The following CHML variants were observed in gnomAD, a reference collection of about 807,000 sequenced individuals.
The protein encoded by CHML is CHM like Rab escort protein.
Under a neutral mutation model 30.4 loss-of-function variants are expected in CHML, and 20 were observed. That is an observed-to-expected ratio of 0.66 (90% CI 0.46 to 0.95). The LOEUF (loss-of-function observed/expected upper bound fraction) is 0.95. Among genes scored for constraint, CHML ranks in the 40% least tolerant of loss-of-function variants. The pLI is 0.00. For missense variants in CHML, 795 were observed against 768.5 expected (o/e 1.03, Z -0.41); for synonymous variants, 281 against 275.0 (o/e 1.02, Z -0.22).
chr1:241,632,585 A>C lies in CHML; in HGVS notation c.*1211T>G, dbSNP rs1190667647. On this transcript the variant is annotated 3_prime_UTR_variant, in exon 2 of 2. Transcript: ENST00000366553. ...CCATTAGAGTACTACCAGTTTTATGACGTTGGGTGGCTCTGGGAGAAAAAA... is the reference window on the plus strand; with the variant it reads ...CCATTAGAGTACTACCAGTTTTATGCCGTTGGGTGGCTCTGGGAGAAAAAA... 1 of 152,108 alleles carries C rather than the reference A, an allele frequency of 6.6e-6. No individual in the cohort carries two copies. The highest frequency in any genetic ancestry group is 1.5e-5 in the Non-Finnish European group (1 of 68,006). The allele number at this position is 152,108 out of a possible 1,614,324, so 9.4% of individuals were successfully genotyped here.
At position 241,634,333 on chromosome 1, in the gene CHML, T is replaced by C. The variant is rs375680469; in HGVS notation, c.1434A>G (p.Ile478Met). The change falls in exon 2 of 2, where the codon ATA (isoleucine) becomes ATG (methionine). Residue 478 changes from isoleucine (I) to methionine (M), a missense_variant. Physicochemically the swap from Ile to Met is conservative, Grantham distance 10. Coordinates refer to ENST00000366553, the MANE Select transcript of CHML (RefSeq NM_001381853.1). ...AAGCTCCTGGCTCTGCTGGAGGAAC[T>C]ATCAGAATGGAAGTCTGCTGATCTA... is the stretch of plus-strand genomic sequence containing the variant. ...TDLDQQTSIL[I>M]VPPAEPGACA... 72 of 1,613,904 alleles carry C rather than the reference T, an allele frequency of 4.5e-5. No homozygotes were observed. Among genetic ancestry groups the C allele is most frequent in the Non-Finnish European group, 6.1e-5 (72 of 1,179,930 alleles).
Position 241,630,273 on chromosome 1 carries a change from G to A in CHML, c.*3523C>T, listed in dbSNP as rs1032980525. On this transcript the variant is annotated 3_prime_UTR_variant, in exon 2 of 2. Coordinates refer to ENST00000366553, the MANE Select transcript of CHML (RefSeq NM_001381853.1). ...CCATGTACTACTTTTCCACTACACT[G>A]GCATGGCTCCCATGGGAGTTTGTTC... 2.0e-5 allele frequency: 3 copies of A among 151,950 alleles called. No homozygotes were observed. Among genetic ancestry groups the A allele is most frequent in the South Asian group, 2.1e-4 (1 of 4,810 alleles). 9.4% of individuals were successfully genotyped at this position (151,950 alleles called of 1,614,324 possible).
rs781400231 is a variant in CHML, at chr1:241,629,601, C to T, written c.*4195G>A. 1 of 152,050 alleles carries T rather than the reference C, an allele frequency of 6.6e-6. No individual in the cohort carries two copies. The highest frequency in any genetic ancestry group is 6.5e-5 in the Admixed American group (1 of 15,272). The allele number at this position is 152,050 out of a possible 1,614,324, so 9.4% of individuals were successfully genotyped here. A position where few individuals can be genotyped will look rare whatever the true frequency, so the allele number is the denominator to read the frequency against. On this transcript the variant is annotated 3_prime_UTR_variant, in exon 2 of 2. Coordinates refer to ENST00000366553, the MANE Select transcript of CHML (RefSeq NM_001381853.1). The stretch of plus-strand genomic sequence containing the variant: ...TCTTGTTTTGTCTTTTTCCTATTTA[C>T]TACACATTTAAAACTTTTTCTCTTA...
Position 241,640,363 on chromosome 1 carries a change from G to A in CHML, c.-789C>T. 1 of 1,020,936 alleles carries A rather than the reference G, an allele frequency of 9.8e-7. No individual in the cohort carries two copies. The highest frequency in any genetic ancestry group is 4.7e-5 in the South Asian group (1 of 21,426). 63.2% of individuals were successfully genotyped at this position (1,020,936 alleles called of 1,614,324 possible). On this transcript the variant is annotated 5_prime_UTR_variant, in exon 1 of 2. Coordinates refer to ENST00000366553, the MANE Select transcript of CHML (RefSeq NM_001381853.1). ...GGCTCCGCCGCCTGCTCTAGCCATTGTGCACTGAGGGGCCCGCGCTACCGC... is the reference window on the plus strand; with the variant it reads ...GGCTCCGCCGCCTGCTCTAGCCATTATGCACTGAGGGGCCCGCGCTACCGC...
chr1:241,639,789 G>C, intron 1 of CHML, 93 bp downstream of exon 1: 1 of 1,261,210 alleles, frequency 7.9e-7, no homozygotes, highest in Non-Finnish European at 1.0e-6. Context: ...GAAGCGGTGC[G>C]GGGCGGGCTG....
rs1411875704 is a variant in CHML, at chr1:241,640,077, G to C, written c.-503C>G. 8 of 1,611,140 alleles carry C rather than the reference G, an allele frequency of 5.0e-6. No homozygotes were observed. In the Admixed American group the frequency reaches 1.2e-4, roughly 24 times the overall value. ...TTGTAGTAGAGGACGAGCACCAGCA[G>C]GTTGTTGCCGACGCCCAGCAGCCCA... On this transcript the variant is annotated 5_prime_UTR_variant, in exon 1 of 2. Coordinates refer to ENST00000366553, the MANE Select transcript of CHML (RefSeq NM_001381853.1).
rs1665069622 is a variant in CHML, at chr1:241,640,200, C to G, written c.-626G>C. ...GCCGGCGCCGGCCCCTCAGCGCCCG[C>G]GGCCCCGCCGCCGTCCCAGTAGCCG... On this transcript the variant is annotated 5_prime_UTR_variant, in exon 1 of 2. Coordinates refer to ENST00000366553, the MANE Select transcript of CHML (RefSeq NM_001381853.1). The G allele has an allele frequency of 2.1e-5, 28 of 1,365,322 alleles. No homozygotes were observed. Among genetic ancestry groups the G allele is most frequent in the Non-Finnish European group, 2.5e-5 (27 of 1,065,916 alleles). 84.6% of individuals were successfully genotyped at this position (1,365,322 alleles called of 1,614,324 possible).
rs776480312 is a variant in CHML at position 241,634,899 on chromosome 1, T to C, written c.868A>G (p.Thr290Ala). The C allele has an allele frequency of 1.2e-6, 2 of 1,611,064 alleles. No individual in the cohort carries two copies. Among genetic ancestry groups the C allele is most frequent in the Non-Finnish European group, 1.7e-6 (2 of 1,179,012 alleles). The stretch of plus-strand genomic sequence containing the variant: ...ATTAGCATCCTCTTTTCAACCATGG[T>C]GAGTTCCTTGCTATTAAAGACATCT... ...RADVFNSKEL[T>A]MVEKRMLMKF... The change falls in exon 2 of 2, where the codon ACC becomes GCC. Residue 290 changes from threonine (T) to alanine (A), a missense_variant. Thr to Ala is a moderately conservative substitution (Grantham distance 58). Transcript: ENST00000366553.
Position 241,632,826 on chromosome 1 carries a change from G to A in CHML, c.*970C>T, listed in dbSNP as rs1000493510. On this transcript the variant is annotated 3_prime_UTR_variant, in exon 2 of 2. Transcript: ENST00000366553. ...AAAAACCTTGGGTAATCTATTTATA[G>A]AGGGTTTTATAAGTATCTGTAATCT... The A allele has an allele frequency of 6.6e-6, 1 of 152,060 alleles. No homozygotes were observed. The highest frequency in any genetic ancestry group is 2.4e-5 in the African/African-American group (1 of 41,426). The allele number at this position is 152,060 out of a possible 1,614,324, so 9.4% of individuals were successfully genotyped here.
At chr1:241,637,187 C>A (rs1449940984) in intron 1 of CHML, among the ~76,000 whole-genome samples, 2 of 152,132 alleles carry the variant, frequency 1.3e-5, no homozygotes, top group Admixed American at 6.6e-5. Flanking sequence ...GTTAAACCTA[C>A]TGAAATATAA....
At chr1:241,637,745 A>C (rs1476172971) in intron 1 of CHML, among the ~76,000 whole-genome samples, 1 of 152,216 alleles carries the variant, frequency 6.6e-6, no homozygotes, top group African/African-American at 2.4e-5. Context: ...GAGAACTGAT[A>C]GCTGGAGAGA....
intron 1 of CHML, among the ~76,000 whole-genome samples, chr1:241,638,118 T>A (rs1031852423): frequency 6.6e-6 from 1 of 152,208 alleles, no homozygotes; most frequent in African/African-American, 2.4e-5. Flanking sequence ...CGGAATCTCT[T>A]ATCTCAGGGT....
At position 241,635,229 on chromosome 1, in the gene CHML, T is replaced by C. The variant is rs752141903; in HGVS notation, c.538A>G (p.Lys180Glu). Residue 180 changes from lysine (K) to glutamate (E), a missense_variant, in exon 2 of 2, where the codon AAG (lysine) becomes GAG (glutamate). By Grantham distance (56) the Lys-to-Glu change is moderately conservative (BLOSUM62 1). Coordinates refer to ENST00000366553, the MANE Select transcript of CHML (RefSeq NM_001381853.1). ...ATACAAGTTTTATCTCCACAATACT[T>C]TTCCTTCTCCACTGATTCCTCTACA... ...TDVEESVEKE[K>E]YCGDKTCMHT... is the part of the protein sequence containing the mutation. The C allele has an allele frequency of 6.2e-7, 1 of 1,613,662 alleles. No homozygotes were observed. The highest frequency in any genetic ancestry group is 1.1e-5 in the South Asian group (1 of 91,080).
At position 241,630,925 on chromosome 1, in the gene CHML, T is replaced by C. The variant is rs567046436; in HGVS notation, c.*2871A>G. ...TAGTAAATTATTTGTTGCTGTATTG[T>C]TTGCCAATATTTTATTTTGCATTTT... On this transcript the variant is annotated 3_prime_UTR_variant, in exon 2 of 2. Coordinates refer to ENST00000366553, the MANE Select transcript of CHML (RefSeq NM_001381853.1). The C allele has an allele frequency of 6.6e-6, 1 of 152,234 alleles. No homozygotes were observed. Among genetic ancestry groups the C allele is most frequent in the East Asian group, 1.9e-4 (1 of 5,190 alleles). 9.4% of individuals were successfully genotyped at this position (152,234 alleles called of 1,614,324 possible). A position where few individuals can be genotyped will look rare whatever the true frequency, so the allele number is the denominator to read the frequency against.
At position 241,628,950 on chromosome 1, in the gene CHML, CAT is replaced by C. The variant is rs770051073; in HGVS notation, c.*4844_*4845del. The C allele has an allele frequency of 3.9e-5, 6 of 152,568 alleles. No individual in the cohort carries two copies. Among genetic ancestry groups the C allele is most frequent in the African/African-American group, 7.2e-5 (3 of 41,454 alleles). The allele number at this position is 152,568 out of a possible 1,614,324, so 9.5% of individuals were successfully genotyped here. Reference sequence around the variant, plus strand: ...GAACCCCTAATGTTAAACTGAATTACATGTTATCTTCTGATTCTTTTCAATGT... The same window carrying C: ...GAACCCCTAATGTTAAACTGAATTACGTTATCTTCTGATTCTTTTCAATGT... On this transcript the variant is annotated 3_prime_UTR_variant, in exon 2 of 2. Coordinates refer to ENST00000366553, the MANE Select transcript of CHML (RefSeq NM_001381853.1).
chr1:241,638,013 C>T (rs557699315), intron 1 of CHML, among the ~76,000 whole-genome samples: 3 of 152,302 alleles, frequency 2.0e-5, no homozygotes, highest in East Asian at 1.9e-4. Context: ...GCACAAACTC[C>T]GGAATTTACT....
chr1:241,635,874 G>A lies in CHML; in HGVS notation c.-108C>T. 1 of 1,101,992 alleles carries A rather than the reference G, an allele frequency of 9.1e-7. No homozygotes were observed. 68.3% of individuals were successfully genotyped at this position (1,101,992 alleles called of 1,614,324 possible). On this transcript the variant is annotated 5_prime_UTR_variant, in exon 2 of 2. Coordinates refer to ENST00000366553, the MANE Select transcript of CHML (RefSeq NM_001381853.1). The stretch of plus-strand genomic sequence containing the variant: ...ATGTTCCAGTTATCCCAGAAGCACT[G>A]AAGTTGCAGGTCCTAGCTGTTTAAC...
intron 1 of CHML, 118 bp downstream of exon 1, chr1:241,639,764 C>T: frequency 2.1e-6 from 2 of 970,632 alleles, no homozygotes; most frequent in Non-Finnish European, 2.7e-6. Flanking sequence ...GGGCGGGGGG[C>T]GCGGGGCCGA....
In CHML at chr1:241,640,324, C is replaced by T. The variant is rs1665079251; in HGVS notation, c.-750G>A. 4 of 1,087,004 alleles carry T rather than the reference C, an allele frequency of 3.7e-6. No homozygotes were observed. The highest frequency in any genetic ancestry group is 5.2e-5 in the Admixed American group (1 of 19,256). 67.3% of individuals were successfully genotyped at this position (1,087,004 alleles called of 1,614,324 possible). ...GGCGGGGCTCGCGGCGCGCTCCGCA[C>T]TGGGTGGGGTTGGGGCTCCGCCGCC... On this transcript the variant is annotated 5_prime_UTR_variant, in exon 1 of 2. It adds an upstream start codon to the 5' untranslated region. Coordinates refer to ENST00000366553, the MANE Select transcript of CHML (RefSeq NM_001381853.1).
Sources: gnomAD v4.1 joint callset for allele counts (sites outside exome capture counted in the v4.1 genomes callset) on GRCh38, gnomAD v4.1.1 for gene constraint, MANE v1.5 for transcripts, NCBI Gene and HGNC (gene_info 2026-07-23, HGNC 2026-07-21) for gene names.